Variants in DNAJB12 observed in about 807,000 individuals in gnomAD.
DNAJB12 encodes dnaJ homolog subfamily B member 12.
A neutral mutation model predicts 40.6 loss-of-function variants in DNAJB12; 14 were observed. That is an observed-to-expected ratio of 0.34 (90% CI 0.23 to 0.54). DNAJB12 has a LOEUF of 0.54. Among genes scored for constraint, DNAJB12 ranks in the 20% least tolerant of loss-of-function variants. DNAJB12 has a pLI of 0.92. For synonymous variants in DNAJB12, 181 were observed against 199.5 expected (o/e 0.91, Z 0.78); for missense variants, 444 against 501.7 (o/e 0.89, Z 1.10).
chr10:72,337,653 T>A, intron 6 of DNAJB12, among the ~76,000 whole-genome samples: 1 of 152,208 alleles, frequency 6.6e-6, no homozygotes, highest in East Asian at 1.9e-4. Flanking sequence ...AAACCAAGGT[T>A]ATATAACTTG....
In DNAJB12 at chr10:72,348,029, G is replaced by C. The variant is rs190020276; in HGVS notation, c.134-2902C>G. Among the ~76,000 whole-genome samples the C allele has an allele frequency of 9.3e-3, 1,416 of 151,620 alleles. 22 individuals are homozygous for C. The highest frequency in any genetic ancestry group is 0.032 in the African/African-American group (1,339 of 41,254). ...GCCTGAGGTCAGGAGTTTGAGACCA[G>C]CCTGGCCAGCATGGTGAAACCCCGT... On this transcript the variant is annotated intron_variant, in intron 1 of 8. Transcript: ENST00000444643.
chr10:72,336,102 G>A (rs1228161477), intron 7 of DNAJB12, among the ~76,000 whole-genome samples, 171 bp from the exon 8 acceptor site: 1 of 152,186 alleles, frequency 6.6e-6, no homozygotes, highest in African/African-American at 2.4e-5. Flanking sequence ...GTCCTTATGT[G>A]GGCGAGGGTG....
chr10:72,338,065 A>G, intron 6 of DNAJB12, 137 bp downstream of exon 6: 1 of 682,630 alleles, frequency 1.5e-6, no homozygotes, highest in Non-Finnish European at 2.5e-6. Context: ...GAGAAAGTAT[A>G]TTTTCTTGAT....
intron 6 of DNAJB12, among the ~76,000 whole-genome samples, chr10:72,337,941 G>GTGTGTA (rs1861524049): frequency 1.3e-5 from 2 of 152,218 alleles, no homozygotes; most frequent in South Asian, 2.1e-4. Context: ...TGTATCGTGT[G>GTGTGTA]TGTGTATGTG....
At chr10:72,342,323 G>T (rs1036610146) in intron 3 of DNAJB12, among the ~76,000 whole-genome samples, 22 of 152,368 alleles carry the variant, frequency 1.4e-4, no homozygotes, top group African/African-American at 5.3e-4. Context: ...TCCGAGGAGT[G>T]GGTCCAAGCC....
intron 1 of DNAJB12, among the ~76,000 whole-genome samples, chr10:72,351,430 C>G (rs1474652881): frequency 1.3e-5 from 2 of 152,234 alleles, no homozygotes; most frequent in African/African-American, 2.4e-5. Flanking sequence ...CCTCCCCTCT[C>G]TCGTGACTCT....
intron 1 of DNAJB12, 96 bp from the exon 2 acceptor site, chr10:72,345,223 CA>C: frequency 7.0e-7 from 1 of 1,437,088 alleles, no homozygotes; most frequent in Non-Finnish European, 9.4e-7. Context: ...CCCCTCCCAG[CA>C]AAGCCACCAG....
chr10:72,334,811 A>C, intron 8 of DNAJB12, 194 bp from the exon 9 acceptor site: 1 of 1,378,652 alleles, frequency 7.3e-7, no homozygotes, highest in Non-Finnish European at 9.3e-7. Flanking sequence ...AGGCAGAGTC[A>C]GCCATGGATC....
chr10:72,349,391 C>G (rs1861878726), intron 1 of DNAJB12, among the ~76,000 whole-genome samples: 1 of 152,004 alleles, frequency 6.6e-6, no homozygotes, highest in African/African-American at 2.4e-5. Context: ...AAAGACTCAG[C>G]GCTCAGCAGA....
chr10:72,335,807 G>C lies in DNAJB12; in HGVS notation c.*3C>G, dbSNP rs753066810. On this transcript the variant is annotated 3_prime_UTR_variant, in exon 8 of 9. Coordinates refer to ENST00000444643, the MANE Select transcript of DNAJB12 (RefSeq NM_017626.7). This position sits in a 1 kb window ranked among gnomAD's most constrained non-coding sequence, Gnocchi z 4.4. ...GGACCTCGGTGGTGTGGCTGGCCCA[G>C]GACTATCCATGCAGGGAGGCCTGCA... is the stretch of plus-strand genomic sequence containing the variant. The C allele has an allele frequency of 1.1e-5, 17 of 1,613,720 alleles. No homozygotes were observed. The South Asian group carries it at 1.4e-4, about 14-fold the overall frequency.
chr10:72,354,741 G>A, intron 1 of DNAJB12, 24 bp downstream of exon 1: 1 of 1,592,914 alleles, frequency 6.3e-7, no homozygotes, highest in African/African-American at 1.3e-5. Context: ...AATGTCCCCA[G>A]TCTCTCCGGC....
intron 7 of DNAJB12, among the ~76,000 whole-genome samples, chr10:72,336,323 T>C (rs1861472591): frequency 6.6e-6 from 1 of 152,216 alleles, no homozygotes; most frequent in Admixed American, 6.5e-5. Flanking sequence ...CTGAGGAAAC[T>C]ACCAGGTGGC....
rs778995504 is a variant in DNAJB12 at position 72,354,858 on chromosome 10, T to C, written c.40A>G (p.Ile14Val). Residue 14 changes from isoleucine (I) to valine (V), a missense_variant, in exon 1 of 9, where the codon ATC becomes GTC. Ile to Val is a conservative substitution (Grantham distance 29). Transcript: ENST00000444643. The part of the protein sequence containing the change: ...NKDEAERCIS[I>V]ALKAIQSNQP... ...TTGCTCTGGATGGCCTTGAGGGCGA[T>C]GCTGATACAGCGCTCAGCTTCATCC... 4 of 1,614,118 alleles carry C rather than the reference T, an allele frequency of 2.5e-6. No individual in the cohort carries two copies. Among genetic ancestry groups the C allele is most frequent in the Non-Finnish European group, 3.4e-6 (4 of 1,179,960 alleles).
chr10:72,341,982 A>G (rs981936772), intron 3 of DNAJB12, among the ~76,000 whole-genome samples: 1 of 152,244 alleles, frequency 6.6e-6, no homozygotes, highest in African/African-American at 2.4e-5. Flanking sequence ...CGTGCCCAAT[A>G]GGATGGGCAT....
chr10:72,334,993 T>C (rs1002376478), intron 8 of DNAJB12: 31 of 1,090,748 alleles, frequency 2.8e-5, no homozygotes, highest in Non-Finnish European at 3.1e-5. Context: ...GGAGGGAGCC[T>C]GCTACCAGCA....
At chr10:72,349,492 G>A (rs1861881082) in intron 1 of DNAJB12, among the ~76,000 whole-genome samples, 2 of 152,232 alleles carry the variant, frequency 1.3e-5, no homozygotes. Context: ...GAAACCGAAA[G>A]ATGAAGAGAT....
chr10:72,352,309 T>A (rs2132009105), intron 1 of DNAJB12, among the ~76,000 whole-genome samples: 1 of 152,278 alleles, frequency 6.6e-6, no homozygotes, highest in East Asian at 1.9e-4. Context: ...AATTACCACC[T>A]CCACTGCCTC....
At chr10:72,345,155 G>C in intron 1 of DNAJB12, 28 bp from the exon 2 acceptor site, 1 of 1,573,506 alleles carries the variant, frequency 6.4e-7, no homozygotes, top group Non-Finnish European at 8.6e-7. Context: ...ACCATTCAGA[G>C]CTCCTGCTCA....
chr10:72,349,392 G>A (rs1053510497), intron 1 of DNAJB12, among the ~76,000 whole-genome samples: 43 of 152,220 alleles, frequency 2.8e-4, no homozygotes, highest in African/African-American at 1.0e-3. Context: ...AAGACTCAGC[G>A]CTCAGCAGAC....
Sources: gnomAD v4.1 joint callset for allele counts (sites outside exome capture counted in the v4.1 genomes callset) on GRCh38, gnomAD v4.1.1 for gene constraint, Gnocchi (gnomAD v3.1) non-coding constraint, MANE v1.5 for transcripts, NCBI Gene and HGNC (gene_info 2026-07-23, HGNC 2026-07-21) for gene names.